Variants in EIF3E observed in about 807,000 individuals in gnomAD.
The protein encoded by EIF3E is eIF-3 p48.
In EIF3E, 25 loss-of-function variants were observed where a neutral mutation model predicts 59.3. That is an observed-to-expected ratio of 0.42 (90% confidence interval 0.31 to 0.59). The LOEUF (loss-of-function observed/expected upper bound fraction) is 0.59. Ranked by LOEUF, EIF3E falls within the 20% of genes least tolerant of loss-of-function variation. The pLI is 0.15. For synonymous variants in EIF3E, 176 were observed against 170.2 expected (o/e 1.03, Z -0.26); for missense variants, 317 against 534.3 (o/e 0.59, Z 4.01).
At chr8:108,214,064 A>C (rs751157452) in intron 10 of EIF3E, among the ~76,000 whole-genome samples, 1 of 152,232 alleles carries the variant, frequency 6.6e-6, no homozygotes, top group Non-Finnish European at 1.5e-5. Context: ...TGTACATTTC[A>C]CAATTTTTTC....
intron 1 of EIF3E, chr8:108,242,657 G>A: frequency 2.6e-6 from 3 of 1,137,566 alleles, no homozygotes; most frequent in South Asian, 2.0e-5. Flanking sequence ...TTAGCCATGA[G>A]AGCAAAATCG....
At position 108,214,540 on chromosome 8, in the gene EIF3E, T is replaced by G; in HGVS notation, c.1061+67A>C. ...AACTGGAATTCTATTAAGTGTAAATTCACAATAAATGGAAATTTCCAGGAA... is the reference window on the plus strand; with the variant it reads ...AACTGGAATTCTATTAAGTGTAAATGCACAATAAATGGAAATTTCCAGGAA... On this transcript the variant is annotated intron_variant, in intron 10 of 12. Transcript: ENST00000220849. 5 of 1,233,912 alleles carry G rather than the reference T, an allele frequency of 4.1e-6. No homozygotes were observed. The East Asian group carries it at 7.8e-5, about 19-fold the overall frequency. 76.4% of individuals were successfully genotyped at this position (1,233,912 alleles called of 1,614,324 possible). A position where few individuals can be genotyped will look rare whatever the true frequency, so the allele number is the denominator to read the frequency against.
chr8:108,223,377 G>A (rs117383837), intron 7 of EIF3E, among the ~76,000 whole-genome samples: 4 of 152,178 alleles, frequency 2.6e-5, no homozygotes, highest in Admixed American at 2.6e-4. Flanking sequence ...GTCATCCTGA[G>A]TGAGCTAAAG....
At chr8:108,234,960 C>T (rs374559075) in intron 5 of EIF3E, 38 bp downstream of exon 5, 7 of 873,928 alleles carry the variant, frequency 8.0e-6, no homozygotes, top group East Asian at 3.2e-5. Context: ...CTACAAAAGA[C>T]AAAAAAAAAA....
intron 9 of EIF3E, among the ~76,000 whole-genome samples, chr8:108,215,409 G>C (rs920861539): frequency 3.7e-4 from 56 of 152,044 alleles, no homozygotes; most frequent in African/African-American, 1.3e-3. Flanking sequence ...ACAAGATCAG[G>C]AGATCGAGAC....
rs1273876617 is a variant in EIF3E, at chr8:108,217,458, T to G, written c.725A>C (p.Tyr242Ser). 6.3e-7 allele frequency: 1 copy of G among 1,589,598 alleles called. No homozygotes were observed. The highest frequency in any genetic ancestry group is 1.2e-5 in the South Asian group (1 of 86,478). Residue 242 changes from tyrosine to serine, a missense_variant and splice_region_variant, in exon 8 of 13, where the codon TAT becomes TCT. Physicochemically the swap from Tyr to Ser is moderately radical, Grantham distance 144. Coordinates refer to ENST00000220849, the MANE Select transcript of EIF3E (RefSeq NM_001568.3). ...IIDLFLYQPQYLNAIQTMCPH... is the reference protein window; with the variant it reads ...IIDLFLYQPQSLNAIQTMCPH... Reference sequence around the variant, plus strand: ...ACACATTGTCTGAATTGCATTAAGATATCTAAGAAAAAATATAAAAGTTAT... The same window carrying G: ...ACACATTGTCTGAATTGCATTAAGAGATCTAAGAAAAAATATAAAAGTTAT...
intron 1 of EIF3E, among the ~76,000 whole-genome samples, chr8:108,243,645 A>AG (rs1389230347): frequency 2.7e-5 from 4 of 149,832 alleles, no homozygotes; most frequent in Non-Finnish European, 1.5e-5. Context: ...AAAGAAAAAA[A>AG]AAAAAAAAAA....
intron 7 of EIF3E, among the ~76,000 whole-genome samples, chr8:108,224,577 A>C (rs531359162): frequency 1.5e-4 from 23 of 151,716 alleles, no homozygotes; most frequent in Admixed American, 3.3e-4. Flanking sequence ...AAAATAAGAC[A>C]GCAATCTGAC....
chr8:108,245,127 C>T (rs371352557), intron 1 of EIF3E, among the ~76,000 whole-genome samples: 7 of 151,328 alleles, frequency 4.6e-5, no homozygotes, highest in Non-Finnish European at 5.9e-5. Flanking sequence ...CACTGCCCCC[C>T]CCTCCCATCC....
At chr8:108,239,017 A>C (rs1405191470) in intron 3 of EIF3E, among the ~76,000 whole-genome samples, 2 of 152,194 alleles carry the variant, frequency 1.3e-5, no homozygotes, top group African/African-American at 4.8e-5. Context: ...GGTAAAGGGA[A>C]GTTAGGAATA....
chr8:108,201,562 G>T lies in EIF3E; in HGVS notation c.*323C>A. The T allele has an allele frequency of 1.1e-5, 2 of 174,592 alleles. No individual in the cohort carries two copies. The highest frequency in any genetic ancestry group is 2.4e-5 in the Non-Finnish European group (2 of 82,868). The allele number at this position is 174,592 out of a possible 1,614,324, so 10.8% of individuals were successfully genotyped here. A position where few individuals can be genotyped will look rare whatever the true frequency, so the allele number is the denominator to read the frequency against. On this transcript the variant is annotated 3_prime_UTR_variant, in exon 13 of 13. Transcript: ENST00000220849. ...CTATTTGTACACACATTGTACCAAT[G>T]TCAACATCCTGGTTTTGATACTGTA...
intron 7 of EIF3E, among the ~76,000 whole-genome samples, chr8:108,219,741 G>C (rs1441991848): frequency 6.6e-6 from 1 of 151,850 alleles, no homozygotes; most frequent in Non-Finnish European, 1.5e-5. Flanking sequence ...AATTGAGGTG[G>C]AGGATCACCT....
At chr8:108,244,353 C>T (rs1158931943) in intron 1 of EIF3E, among the ~76,000 whole-genome samples, 1 of 152,174 alleles carries the variant, frequency 6.6e-6, no homozygotes, top group Non-Finnish European at 1.5e-5. Context: ...TCTGCTGATC[C>T]GTCGTCTATC....
rs1815327635 is a variant in EIF3E at position 108,217,569 on chromosome 8, C to CT, written c.723-110dup. The CT allele has an allele frequency of 6.0e-6, 5 of 832,926 alleles. No individual in the cohort carries two copies. The East Asian group carries it at 1.5e-4, about 25-fold the overall frequency. 51.6% of individuals were successfully genotyped at this position (832,926 alleles called of 1,614,324 possible). A position where few individuals can be genotyped will look rare whatever the true frequency, so the allele number is the denominator to read the frequency against. On this transcript the variant is annotated intron_variant, in intron 7 of 12. Coordinates refer to ENST00000220849, the MANE Select transcript of EIF3E (RefSeq NM_001568.3). ...TTTCACTAGCCTAAGACTGCAAACA[C>CT]TTAAGAATGAGTATTATAAGAAAAT...
chr8:108,203,563 T>A (rs886975531), intron 10 of EIF3E, 60 bp from the exon 11 acceptor site: 7 of 1,352,048 alleles, frequency 5.2e-6, no homozygotes, highest in Non-Finnish European at 6.4e-6. Context: ...TAGTTTTATG[T>A]ACACAGTGTT....
chr8:108,212,133 G>A (rs1190548585), intron 10 of EIF3E, among the ~76,000 whole-genome samples: 2 of 152,172 alleles, frequency 1.3e-5, no homozygotes, highest in South Asian at 2.1e-4. Flanking sequence ...TCAGTGTTTT[G>A]TAAAACTGTG....
rs181311714 is a variant in EIF3E at position 108,247,466 on chromosome 8, G to C, written c.90+1147C>G. ...AATATATCAAGAGAAAGTTTTACAT[G>C]ACAAGACATTCTTGGACATTTACTG... is the stretch of plus-strand genomic sequence containing the variant. On this transcript the variant is annotated intron_variant, in intron 1 of 12. Transcript: ENST00000220849. Among the ~76,000 whole-genome samples the C allele has an allele frequency of 5.7e-3, 865 of 152,278 alleles. 5 individuals are homozygous for C. Among genetic ancestry groups the C allele is most frequent in the Middle Eastern group, 0.014 (4 of 294 alleles).
At position 108,221,482 on chromosome 8, in the gene EIF3E, G is replaced by A. The variant is rs551518058; in HGVS notation, c.723-4022C>T. ...CCGGTAATGTGGATGTATATTATTAGCTTACCTACAGTGTCAGTTTAGTAC... is the reference window on the plus strand; with the variant it reads ...CCGGTAATGTGGATGTATATTATTAACTTACCTACAGTGTCAGTTTAGTAC... On this transcript the variant is annotated intron_variant, in intron 7 of 12. Transcript: ENST00000220849. 6.6e-5 allele frequency: 10 copies of A among 152,238 alleles called. No homozygotes were observed. In the South Asian group the frequency reaches 2.1e-3, roughly 32 times the overall value. The allele number at this position is 152,238 out of a possible 1,614,324, so 9.4% of individuals were successfully genotyped here. A position where few individuals can be genotyped will look rare whatever the true frequency, so the allele number is the denominator to read the frequency against.
chr8:108,232,672 C>A (rs1815645908), intron 5 of EIF3E, among the ~76,000 whole-genome samples: 1 of 152,088 alleles, frequency 6.6e-6, no homozygotes, highest in South Asian at 2.1e-4. Flanking sequence ...CTTTTTGTAG[C>A]AGTGTAGCAA....
Sources: allele counts gnomAD v4.1 joint callset (sites outside exome capture counted in the v4.1 genomes callset), GRCh38; gene constraint gnomAD v4.1.1; transcripts MANE v1.5; gene names NCBI Gene and HGNC (gene_info 2026-07-23, HGNC 2026-07-21).